INPP4A: variants seen among roughly 807,000 people sequenced by gnomAD.
The protein encoded by INPP4A is inositol polyphosphate-4-phosphatase, type I, 107kD.
INPP4A carries 33 observed loss-of-function variants against 119.8 expected under a neutral mutation model. That is an observed-to-expected ratio of 0.28 (90% CI 0.21 to 0.37). The LOEUF (loss-of-function observed/expected upper bound fraction) is 0.37, where lower values mean the gene tolerates loss of function less well. Ranked by LOEUF, INPP4A falls within the 10% of genes least tolerant of loss-of-function variation. The pLI, the probability that INPP4A is intolerant of heterozygous loss-of-function variation, is 1.00. For missense variants in INPP4A, 956 were observed against 1,289.9 expected (o/e 0.74, Z 3.97); for synonymous variants, 496 against 500.7 (o/e 0.99, Z 0.12).
chr2:98,523,928 A>C (rs1308835827), intron 4 of INPP4A, among the ~76,000 whole-genome samples: 1 of 152,198 alleles, frequency 6.6e-6, no homozygotes, highest in Non-Finnish European at 1.5e-5. Flanking sequence ...TTGGTTGTGG[A>C]AGTATGGAAT....
intron 1 of INPP4A, among the ~76,000 whole-genome samples, chr2:98,503,915 CGT>C (rs1448198321): frequency 6.6e-6 from 1 of 152,220 alleles, no homozygotes; most frequent in Admixed American, 6.5e-5. Context: ...GAAGGTGCTG[CGT>C]GTCAGTTGGC....
chr2:98,567,150 G>T (rs535734294), intron 21 of INPP4A, among the ~76,000 whole-genome samples: 2 of 152,274 alleles, frequency 1.3e-5, no homozygotes, highest in African/African-American at 4.8e-5. Flanking sequence ...GAGATGAAGG[G>T]GACAAGTGTG....
At chr2:98,577,495 G>A (rs1270091636) in intron 24 of INPP4A, among the ~76,000 whole-genome samples, 1 of 152,232 alleles carries the variant, frequency 6.6e-6, no homozygotes, top group African/African-American at 2.4e-5. Flanking sequence ...GTGTGACTTA[G>A]GGCCAGTGCT....
At chr2:98,445,489 C>G (rs1694036848) in intron 1 of INPP4A, among the ~76,000 whole-genome samples, 1 of 152,264 alleles carries the variant, frequency 6.6e-6, no homozygotes, top group South Asian at 2.1e-4. Context: ...TGTGGGAAAT[C>G]TGGTCTCCAT....
chr2:98,565,624 C>T lies in INPP4A; in HGVS notation c.2153-16C>T. 6.3e-7 allele frequency: 1 copy of T among 1,595,770 alleles called. No individual in the cohort carries two copies. The highest frequency in any genetic ancestry group is 2.3e-5 in the East Asian group (1 of 44,178). The stretch of plus-strand genomic sequence containing the variant: ...GGGCCCTCTGCCTGACAGCCCTGCC[C>T]CTCTCTCATGTCCAGGGGAGGAGCT... On this transcript the variant is annotated splice_polypyrimidine_tract_variant and intron_variant, in intron 19 of 24. Coordinates refer to ENST00000409851, the MANE Select transcript of INPP4A (RefSeq NM_001134225.2).
chr2:98,483,107 A>C (rs532757848), intron 1 of INPP4A, among the ~76,000 whole-genome samples: 8 of 152,232 alleles, frequency 5.3e-5, no homozygotes, highest in Non-Finnish European at 8.8e-5. Flanking sequence ...TATAATAATA[A>C]AATGTTTATT....
chr2:98,517,614 C>T (rs1432953393), intron 1 of INPP4A, among the ~76,000 whole-genome samples: 1 of 152,054 alleles, frequency 6.6e-6, no homozygotes, highest in African/African-American at 2.4e-5. Context: ...TGAAGAACTT[C>T]TCCTGTGTCT....
intron 21 of INPP4A, 141 bp from the exon 22 acceptor site, chr2:98,568,430 G>A (rs981141175): frequency 1.5e-5 from 9 of 614,596 alleles, no homozygotes; most frequent in Non-Finnish European, 1.8e-5. Context: ...CTTTATGCTC[G>A]GAAGAGGGAG....
intron 1 of INPP4A, among the ~76,000 whole-genome samples, chr2:98,481,080 TC>T (rs1384511616): frequency 6.6e-6 from 1 of 152,206 alleles, no homozygotes; most frequent in African/African-American, 2.4e-5. Context: ...TGCTTCAAGT[TC>T]TTCTGCTAGT....
At chr2:98,586,448 C>T (rs1699961102) in intron 24 of INPP4A, among the ~76,000 whole-genome samples, 1 of 151,880 alleles carries the variant, frequency 6.6e-6, no homozygotes, top group Non-Finnish European at 1.5e-5. Flanking sequence ...GAATTTTGTA[C>T]TAAATTTGAT....
intron 13 of INPP4A, among the ~76,000 whole-genome samples, chr2:98,551,972 T>C (rs77592772): frequency 0.016 from 2,384 of 152,214 alleles, 65 homozygotes; most frequent in African/African-American, 0.055. Context: ...AGCGGGAGGA[T>C]GTGAAGTTGG....
intron 24 of INPP4A, among the ~76,000 whole-genome samples, chr2:98,578,562 A>C (rs1243997620): frequency 6.6e-6 from 1 of 152,244 alleles, no homozygotes; most frequent in Non-Finnish European, 1.5e-5. Context: ...GACCAGTGAC[A>C]AAGTGGCCCC....
intron 1 of INPP4A, among the ~76,000 whole-genome samples, chr2:98,487,491 C>G (rs1278128168): frequency 6.6e-6 from 1 of 152,162 alleles, no homozygotes; most frequent in Non-Finnish European, 1.5e-5. Context: ...CTCAGCCTCC[C>G]AAAGTGCTGG....
In INPP4A at chr2:98,496,613, CTA is replaced by C. The variant is rs368414521; in HGVS notation, c.-165-22348_-165-22347del. Among the ~76,000 whole-genome samples the C allele has an allele frequency of 5.2e-3, 794 of 152,290 alleles. 12 individuals carry two copies. Among genetic ancestry groups the C allele is most frequent in the African/African-American group, 0.018 (738 of 41,560 alleles). The stretch of plus-strand genomic sequence containing the variant: ...CAGGATTGAAGAAAATATTTGCAAA[CTA>C]TACATTAGACAAGGGGTTAACATCA... On this transcript the variant is annotated intron_variant, in intron 1 of 24. Transcript: ENST00000409851.
chr2:98,458,949 A>G (rs1696640661), intron 1 of INPP4A, among the ~76,000 whole-genome samples: 1 of 152,234 alleles, frequency 6.6e-6, no homozygotes, highest in Non-Finnish European at 1.5e-5. Context: ...TGGCCCGCTA[A>G]CACCCGTCAG....
At chr2:98,507,388 T>C (rs889097281) in intron 1 of INPP4A, among the ~76,000 whole-genome samples, 2 of 152,244 alleles carry the variant, frequency 1.3e-5, no homozygotes, top group African/African-American at 4.8e-5. Flanking sequence ...TAAAGCCATC[T>C]AGTTAACATG....
intron 2 of INPP4A, 36 bp from the exon 3 acceptor site, chr2:98,519,910 G>A (rs1204333094): frequency 1.6e-5 from 11 of 677,502 alleles, no homozygotes; most frequent in South Asian, 3.3e-5. Context: ...CTCCATCACC[G>A]TCCCCATGGT....
At chr2:98,562,763 T>C (rs2106322882) in intron 17 of INPP4A, among the ~76,000 whole-genome samples, 1 of 152,286 alleles carries the variant, frequency 6.6e-6, no homozygotes, top group African/African-American at 2.4e-5. Context: ...TCCCTTGAGG[T>C]TCTATTTTTA....
At chr2:98,543,763 C>T (rs1691969070) in intron 10 of INPP4A, 114 bp from the exon 11 acceptor site, 1 of 1,341,878 alleles carries the variant, frequency 7.5e-7, no homozygotes, top group Admixed American at 2.1e-5. Context: ...CCTGGCCTGC[C>T]CTGGGCATCC....
Sources: gnomAD v4.1 joint callset for allele counts (sites outside exome capture counted in the v4.1 genomes callset) on GRCh38, gnomAD v4.1.1 for gene constraint, MANE v1.5 for transcripts, NCBI Gene and HGNC (gene_info 2026-07-23, HGNC 2026-07-21) for gene names.